The following TENM4 variants were observed in gnomAD, a reference collection of about 807,000 sequenced individuals.
TENM4 encodes the protein teneurin-4.
A neutral mutation model predicts 243.3 loss-of-function variants in TENM4; 82 were observed. The observed-to-expected ratio is 0.34, with a 90% CI of 0.28 to 0.40. The LOEUF is 0.40. Among genes scored for constraint, TENM4 ranks in the 10% least tolerant of loss-of-function variants. TENM4 has a pLI of 1.00. For synonymous variants in TENM4, 1,412 were observed against 1,456.3 expected (o/e 0.97, Z 0.69); for missense variants, 3,138 against 3,673.3 (o/e 0.85, Z 3.77).
intron 1 of TENM4, among the ~76,000 whole-genome samples, chr11:79,329,278 G>T (rs976300062): frequency 6.6e-6 from 1 of 152,226 alleles, no homozygotes; most frequent in Non-Finnish European, 1.5e-5. Flanking sequence ...GAGCAGAGCT[G>T]GGTTCTTTAA....
chr11:79,440,852 C>CGCGT lies in TENM4; in HGVS notation c.-665_-664insACGC, dbSNP rs1468614577. The CGCGT allele has an allele frequency of 2.7e-3, 353 of 132,312 alleles. 2 individuals are homozygous for CGCGT. The East Asian group carries it at 0.039, about 15-fold the overall frequency. 8.2% of individuals were successfully genotyped at this position (132,312 alleles called of 1,614,324 possible). A position where few individuals can be genotyped will look rare whatever the true frequency, so the allele number is the denominator to read the frequency against. On this transcript the variant is annotated 5_prime_UTR_variant, in exon 1 of 34. Coordinates refer to ENST00000278550, the MANE Select transcript of TENM4 (RefSeq NM_001098816.3). The surrounding 1 kb of genome is among the most constrained non-coding windows in gnomAD (Gnocchi z 4.7). Reference sequence around the variant, plus strand: ...GGGTTGGGGCGGGTGTGTGCGCGCGCGTGTGTGAGTGTGTGTGTGTGTGTG... The same window carrying CGCGT: ...GGGTTGGGGCGGGTGTGTGCGCGCGCGCGTGTGTGTGAGTGTGTGTGTGTGTGTG...
chr11:79,401,272 T>C (rs949508446), intron 1 of TENM4, among the ~76,000 whole-genome samples: 2 of 152,112 alleles, frequency 1.3e-5, no homozygotes, highest in African/African-American at 4.8e-5. Context: ...AAATGAGAGA[T>C]GAATAACCAT....
chr11:78,802,436 C>A (rs1857299263), intron 15 of TENM4, among the ~76,000 whole-genome samples: 1 of 152,370 alleles, frequency 6.6e-6, no homozygotes, highest in Middle Eastern at 3.4e-3. Context: ...GAACCCAGGC[C>A]AGCAGTTCCT....
At chr11:78,805,641 T>C in intron 14 of TENM4, 149 bp from the exon 15 acceptor site, 1 of 950,174 alleles carries the variant, frequency 1.1e-6, no homozygotes. Flanking sequence ...AGAGCAGTAC[T>C]GCGGCAAATG....
intron 6 of TENM4, among the ~76,000 whole-genome samples, chr11:79,038,090 G>C (rs1300174508): frequency 6.6e-6 from 1 of 152,238 alleles, no homozygotes; most frequent in African/African-American, 2.4e-5. Context: ...GGAAGCCGGA[G>C]ACAACCATCG....
intron 1 of TENM4, among the ~76,000 whole-genome samples, chr11:79,400,278 A>T (rs1858434415): frequency 6.6e-6 from 1 of 151,642 alleles, no homozygotes; most frequent in Admixed American, 6.6e-5. Context: ...CAGTCACTGC[A>T]ACTTTCTGCT....
At chr11:79,317,630 C>T (rs1856824149) in intron 1 of TENM4, among the ~76,000 whole-genome samples, 1 of 152,068 alleles carries the variant, frequency 6.6e-6, no homozygotes, top group Admixed American at 6.6e-5. Context: ...GTTTTGTGAC[C>T]TGCTCAAGGT....
chr11:79,332,251 C>A (rs76097497), intron 1 of TENM4, among the ~76,000 whole-genome samples: 4 of 152,142 alleles, frequency 2.6e-5, no homozygotes, highest in Admixed American at 6.5e-5. Context: ...CCATTTCAGT[C>A]CCGCAGTGCA....
intron 2 of TENM4, among the ~76,000 whole-genome samples, chr11:79,250,546 T>C (rs1011599428): frequency 7.9e-5 from 12 of 152,352 alleles, no homozygotes; most frequent in Admixed American, 3.9e-4. Flanking sequence ...TATGCACCTT[T>C]TTAAGAAAAT....
chr11:79,125,366 A>G (rs908081937), intron 4 of TENM4, among the ~76,000 whole-genome samples: 2 of 152,198 alleles, frequency 1.3e-5, no homozygotes, highest in Admixed American at 1.3e-4. Context: ...AGTGAGCCTC[A>G]AATCTGTTAA....
chr11:78,792,549 C>T (rs568859798), intron 15 of TENM4, among the ~76,000 whole-genome samples: 1 of 152,322 alleles, frequency 6.6e-6, no homozygotes, highest in East Asian at 1.9e-4. Context: ...TTCCCTGCCT[C>T]ACCCGTGCAC....
intron 9 of TENM4, among the ~76,000 whole-genome samples, chr11:78,864,589 T>C (rs1453745154): frequency 6.6e-6 from 1 of 152,154 alleles, no homozygotes; most frequent in Admixed American, 6.5e-5. Context: ...GGGAAGTTCA[T>C]CTCCAATAAT....
intron 29 of TENM4, 75 bp downstream of exon 29, chr11:78,687,979 T>C: frequency 6.5e-7 from 1 of 1,529,060 alleles, no homozygotes; most frequent in South Asian, 1.3e-5. Flanking sequence ...AGCAGCCTAT[T>C]TCTTGTGCCA....
intron 9 of TENM4, among the ~76,000 whole-genome samples, chr11:78,878,437 G>T (rs1859328988): frequency 6.6e-6 from 1 of 152,144 alleles, no homozygotes; most frequent in African/African-American, 2.4e-5. Context: ...CATAGAACTG[G>T]GTTCCTGGCT....
chr11:79,001,403 G>A (rs1358161631), intron 6 of TENM4, among the ~76,000 whole-genome samples: 1 of 152,118 alleles, frequency 6.6e-6, no homozygotes. Context: ...AGCAACTCCT[G>A]GGGAAGGGTT....
chr11:78,941,098 G>T (rs1462253575), intron 6 of TENM4, among the ~76,000 whole-genome samples: 1 of 152,342 alleles, frequency 6.6e-6, no homozygotes, highest in East Asian at 1.9e-4. Flanking sequence ...CTCTTCCAGG[G>T]AGCTCACAGC....
At chr11:79,110,515 T>C (rs2137103180) in intron 4 of TENM4, among the ~76,000 whole-genome samples, 1 of 152,276 alleles carries the variant, frequency 6.6e-6, no homozygotes, top group Non-Finnish European at 1.5e-5. Context: ...AGATGGGTCA[T>C]GAGGATTTTC....
intron 1 of TENM4, among the ~76,000 whole-genome samples, chr11:79,386,703 C>A (rs1366542533): frequency 6.6e-6 from 1 of 151,488 alleles, no homozygotes; most frequent in East Asian, 1.9e-4. Flanking sequence ...TGAGACACAA[C>A]CATACAACCA....
At position 79,399,692 on chromosome 11, in the gene TENM4, AAGAG is replaced by A. The variant is rs1491117964; in HGVS notation, c.-321+40813_-321+40816del. On this transcript the variant is annotated intron_variant, in intron 1 of 33. Transcript: ENST00000278550. ...AACACATACATTCACATCAAAAAAA[AAGAG>A]AGAAACAGAAACATGTGGAATCTTG... is the stretch of plus-strand genomic sequence containing the variant. Among the ~76,000 whole-genome samples the A allele has an allele frequency of 4.6e-5, 7 of 152,320 alleles. 1 individual carries two copies. The South Asian group carries it at 1.0e-3, about 23-fold the overall frequency.
Sources: allele counts gnomAD v4.1 joint callset (sites outside exome capture counted in the v4.1 genomes callset), GRCh38; gene constraint gnomAD v4.1.1; non-coding constraint Gnocchi (gnomAD v3.1); transcripts MANE v1.5; gene names NCBI Gene and HGNC (gene_info 2026-07-23, HGNC 2026-07-21).